ABRAXAS2: variants seen among roughly 807,000 people sequenced by gnomAD.
The protein encoded by ABRAXAS2 is abraxas 2, BRISC complex subunit.
Under a neutral mutation model 49.0 loss-of-function variants are expected in ABRAXAS2, and 23 were observed. The observed-to-expected ratio is 0.47, with a 90% CI of 0.34 to 0.66. The LOEUF (loss-of-function observed/expected upper bound fraction) is 0.66. Ranked by LOEUF, ABRAXAS2 falls within the 30% of genes least tolerant of loss-of-function variation. The probability of loss-of-function intolerance (pLI) is 0.01; values close to 1 mark genes in which losing one functional copy is unlikely to be tolerated. For missense variants in ABRAXAS2, 443 were observed against 511.9 expected (o/e 0.87, Z 1.30); for synonymous variants, 168 against 180.2 (o/e 0.93, Z 0.54).
At chr10:124,818,656 G>A (rs995623591) in intron 3 of ABRAXAS2, among the ~76,000 whole-genome samples, 3 of 152,084 alleles carry the variant, frequency 2.0e-5, no homozygotes, top group Admixed American at 6.6e-5. Flanking sequence ...GGTTTATGGT[G>A]GTAGGAAAGA....
intron 7 of ABRAXAS2, among the ~76,000 whole-genome samples, chr10:124,830,972 G>A (rs1007480094): frequency 6.6e-6 from 1 of 151,936 alleles, no homozygotes; most frequent in Non-Finnish European, 1.5e-5. Context: ...TTTGAATGTT[G>A]GTAATAAATA....
At chr10:124,834,432 C>T (rs1201132059) in intron 8 of ABRAXAS2, 70 bp from the exon 9 acceptor site, 9 of 1,335,396 alleles carry the variant, frequency 6.7e-6, no homozygotes, top group African/African-American at 4.4e-5. Context: ...TCAGGTTGGC[C>T]GTGTTATACA....
chr10:124,805,362 C>T (rs2559503), intron 1 of ABRAXAS2, among the ~76,000 whole-genome samples: 1 of 150,886 alleles, frequency 6.6e-6, no homozygotes, highest in Non-Finnish European at 1.5e-5. Context: ...AAAAAAGTGT[C>T]TGTCTTTCCC....
intron 4 of ABRAXAS2, among the ~76,000 whole-genome samples, chr10:124,823,607 G>A (rs1950876537): frequency 6.6e-6 from 1 of 152,186 alleles, no homozygotes; most frequent in African/African-American, 2.4e-5. Context: ...GCCCATATTG[G>A]GATGAAAATG....
intron 2 of ABRAXAS2, 55 bp downstream of exon 2, chr10:124,806,976 G>A: frequency 7.6e-7 from 1 of 1,308,064 alleles, no homozygotes; most frequent in Non-Finnish European, 1.1e-6. Flanking sequence ...TTTACTTAAT[G>A]TTTGTTTTGT....
At chr10:124,814,834 A>G (rs1176110730) in intron 2 of ABRAXAS2, 3 of 150,066 alleles carry the variant, frequency 2.0e-5, no homozygotes, top group Non-Finnish European at 4.4e-5. Context: ...TTTAGTAGAC[A>G]TGGGATTTCA....
intron 4 of ABRAXAS2, among the ~76,000 whole-genome samples, chr10:124,821,582 AAG>A (rs1185995483): frequency 2.0e-5 from 3 of 152,126 alleles, no homozygotes; most frequent in African/African-American, 4.8e-5. Context: ...AAAAAAAAGA[AAG>A]AAGAAATCCA....
intron 2 of ABRAXAS2, among the ~76,000 whole-genome samples, chr10:124,808,541 C>G (rs1950763387): frequency 6.6e-6 from 1 of 152,090 alleles, no homozygotes; most frequent in African/African-American, 2.4e-5. Context: ...AAGGAAATAC[C>G]CAGAATCATC....
chr10:124,819,434 T>C lies in ABRAXAS2; in HGVS notation c.251T>C (p.Leu84Pro). 1 of 1,614,130 alleles carries C rather than the reference T, an allele frequency of 6.2e-7. No homozygotes were observed. The highest frequency in any genetic ancestry group is 8.5e-7 in the Non-Finnish European group (1 of 1,179,990). The change falls in exon 4 of 9, where the codon CTT (leucine) becomes CCT (proline). Residue 84 changes from leucine (L) to proline (P), a missense_variant. Transcript: ENST00000298492. The stretch of plus-strand genomic sequence containing the variant: ...AATGAGGAGAGTTTGGACAGGATTC[T>C]TAAAGATCGGAGAAAGGTATGTTCT... ...KVNEESLDRI[L>P]KDRRKKVIGW... is the part of the protein sequence containing the mutation.
At chr10:124,818,193 G>A (rs555161576) in intron 3 of ABRAXAS2, among the ~76,000 whole-genome samples, 13 of 152,162 alleles carry the variant, frequency 8.5e-5, no homozygotes, top group African/African-American at 2.2e-4. Context: ...TCAGGAGATC[G>A]AGACCATCCT....
intron 1 of ABRAXAS2, among the ~76,000 whole-genome samples, chr10:124,805,887 C>T (rs1325617984): frequency 6.6e-6 from 1 of 152,166 alleles, no homozygotes; most frequent in African/African-American, 2.4e-5. Flanking sequence ...AGTATGTCTT[C>T]TCCCAGCTGT....
intron 2 of ABRAXAS2, among the ~76,000 whole-genome samples, chr10:124,810,588 G>GT (rs1950780579): frequency 4.1e-5 from 3 of 73,138 alleles, no homozygotes; most frequent in Non-Finnish European, 9.0e-5. Context: ...GGATGTTTTT[G>GT]GTTTTTTTTT....
At chr10:124,812,537 G>A (rs1950797037) in intron 2 of ABRAXAS2, among the ~76,000 whole-genome samples, 1 of 152,170 alleles carries the variant, frequency 6.6e-6, no homozygotes, top group African/African-American at 2.4e-5. Context: ...CAGCTACTTG[G>A]GAGGCTGTGG....
intron 8 of ABRAXAS2, among the ~76,000 whole-genome samples, chr10:124,833,879 A>C (rs1950950546): frequency 6.6e-6 from 1 of 152,200 alleles, no homozygotes; most frequent in African/African-American, 2.4e-5. Context: ...TTCAGTATCT[A>C]CTTAAGACAG....
At chr10:124,807,327 A>C (rs1300022482) in intron 2 of ABRAXAS2, among the ~76,000 whole-genome samples, 3 of 148,786 alleles carry the variant, frequency 2.0e-5, no homozygotes, top group Non-Finnish European at 4.4e-5. Context: ...AAAAAAAAAA[A>C]AAAAAAAAGA....
In ABRAXAS2 at chr10:124,831,423, A is replaced by G. The variant is rs1258144227; in HGVS notation, c.738A>G (p.Arg246=). Residue 246 remains arginine, a synonymous_variant, in exon 8 of 9, where the codon AGA becomes AGG. Coordinates refer to ENST00000298492, the MANE Select transcript of ABRAXAS2 (RefSeq NM_032182.4). ...SCQAEVNKLR[R]QITQRKNEKE... is the part of the protein sequence containing the mutation. ...AGGCAGAAGTGAACAAATTAAGAAG[A>G]CAAATCACTCAGAGGAAAAATGAAA... The G allele has an allele frequency of 6.2e-7, 1 of 1,610,352 alleles. No homozygotes were observed.
intron 4 of ABRAXAS2, among the ~76,000 whole-genome samples, chr10:124,821,101 C>G (rs922308312): frequency 6.6e-6 from 1 of 151,770 alleles, no homozygotes; most frequent in African/African-American, 2.4e-5. Context: ...TTAGTACAAA[C>G]GGGGTTTTGC....
chr10:124,830,398 A>G (rs1172139785), intron 7 of ABRAXAS2, among the ~76,000 whole-genome samples: 1 of 152,182 alleles, frequency 6.6e-6, no homozygotes, highest in Non-Finnish European at 1.5e-5. Flanking sequence ...GTGAGCTACA[A>G]TTGTGCCACT....
rs749729982 is a variant in ABRAXAS2, at chr10:124,826,630, G to A, written c.303G>A (p.Thr101=). The part of the protein sequence containing the change: ...VIGWYRFRRN[T]QQQMSYREQV... ...GGTGGTACAGATTCCGGCGCAATAC[G>A]CAGCAGCAGATGTCCTACAGAGAGC... The change falls in exon 5 of 9, where the codon ACG becomes ACA. Residue 101 remains threonine (T), a synonymous_variant. Transcript: ENST00000298492. The A allele has an allele frequency of 9.3e-6, 15 of 1,613,976 alleles. No individual in the cohort carries two copies. Among genetic ancestry groups the A allele is most frequent in the Middle Eastern group, 1.6e-4 (1 of 6,082 alleles).
Sources: allele counts gnomAD v4.1 joint callset (sites outside exome capture counted in the v4.1 genomes callset), GRCh38; gene constraint gnomAD v4.1.1; transcripts MANE v1.5; gene names NCBI Gene and HGNC (gene_info 2026-07-23, HGNC 2026-07-21).